PRKDC: variants seen among roughly 807,000 people sequenced by gnomAD.
PRKDC encodes the protein DNA-dependent protein kinase catalytic subunit.
Under a neutral mutation model 486.9 loss-of-function variants are expected in PRKDC, and 82 were observed. That is an observed-to-expected ratio of 0.17 (90% CI 0.14 to 0.20). The LOEUF (loss-of-function observed/expected upper bound fraction) is 0.20, where lower values mean the gene tolerates loss of function less well. Among genes scored for constraint, PRKDC ranks in the 10% least tolerant of loss-of-function variants. The probability of loss-of-function intolerance (pLI) is 1.00; values close to 1 mark genes in which losing one functional copy is unlikely to be tolerated. For synonymous variants in PRKDC, 1,895 were observed against 1,837.0 expected, an observed-to-expected ratio of 1.03 and a Z score of -0.81; for missense variants, 4,504 against 5,038.2, an observed-to-expected ratio of 0.89 and a Z score of 3.21.
chr8:47,789,518 A>G (rs2086850504), intron 74 of PRKDC, among the ~76,000 whole-genome samples: 1 of 152,082 alleles, frequency 6.6e-6, no homozygotes, highest in Non-Finnish European at 1.5e-5. Flanking sequence ...CTATTCCAAA[A>G]CACAAGGGAG....
At chr8:47,804,475 T>C (rs1297953851) in intron 69 of PRKDC, among the ~76,000 whole-genome samples, 1 of 152,042 alleles carries the variant, frequency 6.6e-6, no homozygotes, top group Non-Finnish European at 1.5e-5. Flanking sequence ...AATTTTTGTA[T>C]TTTTAGTAGA....
intron 73 of PRKDC, 82 bp from the exon 74 acceptor site, chr8:47,794,583 G>GAAAACTC: frequency 8.2e-7 from 1 of 1,221,060 alleles, no homozygotes; most frequent in Non-Finnish European, 1.1e-6. Flanking sequence ...CCAAAATAAA[G>GAAAACTC]AAAACTCAGA....
At chr8:47,897,428 T>C (rs1016889559) in intron 29 of PRKDC, 134 bp from the exon 30 acceptor site, 4 of 858,838 alleles carry the variant, frequency 4.7e-6, no homozygotes, top group Admixed American at 5.5e-5. Flanking sequence ...ATTCGACTTA[T>C]TTTTAATGTA....
chr8:47,816,454 A>C (rs761036025), intron 68 of PRKDC, among the ~76,000 whole-genome samples: 3 of 152,216 alleles, frequency 2.0e-5, no homozygotes, highest in Non-Finnish European at 4.4e-5. Flanking sequence ...CTTGTTGTAG[A>C]GGTAGAGAAA....
Position 47,960,019 on chromosome 8 carries a change from G to A in PRKDC, c.108C>T (p.Arg36=). The change falls in exon 1 of 86, where the codon CGC becomes CGT. Residue 36 remains arginine, a synonymous_variant. Coordinates refer to ENST00000314191, the MANE Select transcript of PRKDC (RefSeq NM_006904.7). ...GAALAGHQLI[R]GLGQECVLSS... is the part of the protein sequence containing the mutation. ...TCAGGACGCATTCCTGCCCCAGGCC[G>A]CGGATCAGTTGATGACCGGCCAGGG... 1 of 1,534,490 alleles carries A rather than the reference G, an allele frequency of 6.5e-7. No homozygotes were observed. Among genetic ancestry groups the A allele is most frequent in the Non-Finnish European group, 8.7e-7 (1 of 1,146,582 alleles).
Position 47,879,507 on chromosome 8 carries a change from A to T in PRKDC, c.5219T>A (p.Val1740Glu). ...PPGTPRFNNY[V>E]DCMKKFLDAL... ...GAAACTAACCTTTTTCATGCAGTCCACATAATTATTGAACCGCGGAGTTCC... is the reference window on the plus strand; with the variant it reads ...GAAACTAACCTTTTTCATGCAGTCCTCATAATTATTGAACCGCGGAGTTCC... Residue 1740 changes from valine (V) to glutamate (E), a missense_variant, in exon 39 of 86, where the codon GTG becomes GAG. By Grantham distance (121) the Val-to-Glu change is moderately radical (BLOSUM62 -2). Transcript: ENST00000314191. The T allele has an allele frequency of 6.3e-7, 1 of 1,590,834 alleles. No individual in the cohort carries two copies. Among genetic ancestry groups the T allele is most frequent in the Middle Eastern group, 1.7e-4 (1 of 5,874 alleles).
Position 47,858,826 on chromosome 8 carries a change from G to T in PRKDC, c.6345+23C>A, listed in dbSNP as rs375920177. The T allele has an allele frequency of 4.3e-6, 7 of 1,609,698 alleles. No homozygotes were observed. In the African/African-American group the frequency reaches 9.4e-5, roughly 22 times the overall value. ...GACACCAATGAATATAGTATTAACA[G>T]GTAAGATGAGTGGGAAAAGCACCTC... On this transcript the variant is annotated intron_variant, in intron 47 of 85. Transcript: ENST00000314191.
chr8:47,778,951 A>T lies in PRKDC; in HGVS notation c.11579+53T>A. 4.1e-6 allele frequency: 6 copies of T among 1,472,934 alleles called. No homozygotes were observed. The East Asian group carries it at 1.4e-4, about 35-fold the overall frequency. 91.2% of individuals were successfully genotyped at this position (1,472,934 alleles called of 1,614,324 possible). A position where few individuals can be genotyped will look rare whatever the true frequency, so the allele number is the denominator to read the frequency against. ...GCTAAGAATCAAAAGAAAACATGCA[A>T]TTTGCAGAAGAATGAACTAACTAAT... is the stretch of plus-strand genomic sequence containing the variant. On this transcript the variant is annotated intron_variant, in intron 81 of 85. Transcript: ENST00000314191.
chr8:47,835,600 G>A, intron 58 of PRKDC, among the ~76,000 whole-genome samples: 1 of 105,942 alleles, frequency 9.4e-6, no homozygotes, highest in Non-Finnish European at 1.7e-5. Flanking sequence ...CCAGCCTGGT[G>A]ACAGAGCAGG....
intron 36 of PRKDC, among the ~76,000 whole-genome samples, chr8:47,883,842 C>A (rs1299651688): frequency 2.0e-5 from 3 of 152,254 alleles, no homozygotes; most frequent in African/African-American, 7.2e-5. Flanking sequence ...CGCCCTCTGG[C>A]GTCCCTTTCC....
At chr8:47,944,725 CTAA>C (rs2090502739) in intron 7 of PRKDC, among the ~76,000 whole-genome samples, 1 of 152,226 alleles carries the variant, frequency 6.6e-6, no homozygotes, top group Non-Finnish European at 1.5e-5. Flanking sequence ...TTATTCATCA[CTAA>C]TTTCTCTACC....
In PRKDC at chr8:47,854,233, G is replaced by C. The variant is rs144502071; in HGVS notation, c.6762-19C>G. The C allele has an allele frequency of 1.1e-4, 175 of 1,610,144 alleles. 1 individual carries two copies. In the African/African-American group the frequency reaches 2.1e-3, roughly 19 times the overall value. On this transcript the variant is annotated intron_variant, in intron 50 of 85. Coordinates refer to ENST00000314191, the MANE Select transcript of PRKDC (RefSeq NM_006904.7). ...TATTAACCTGAAACATAAGCACAAAGGAGAAAATTGAGACTGTTGCATAAT... is the reference window on the plus strand; with the variant it reads ...TATTAACCTGAAACATAAGCACAAACGAGAAAATTGAGACTGTTGCATAAT...
intron 52 of PRKDC, among the ~76,000 whole-genome samples, chr8:47,851,416 A>C (rs947357104): frequency 1.3e-5 from 2 of 152,248 alleles, no homozygotes; most frequent in Non-Finnish European, 2.9e-5. Flanking sequence ...ATGAATTACA[A>C]GTAATATTTG....
At chr8:47,933,257 T>G (rs2090288443) in intron 15 of PRKDC, 85 bp from the exon 16 acceptor site, 1 of 1,103,278 alleles carries the variant, frequency 9.1e-7, no homozygotes, top group Admixed American at 3.9e-5. Context: ...CATACACAGA[T>G]GTATGTGCCG....
At chr8:47,853,560 C>A (rs984997521) in intron 51 of PRKDC, among the ~76,000 whole-genome samples, 1 of 152,188 alleles carries the variant, frequency 6.6e-6, no homozygotes, top group Non-Finnish European at 1.5e-5. Context: ...ACATGTCACA[C>A]CCAGCTGCCC....
intron 80 of PRKDC, among the ~76,000 whole-genome samples, chr8:47,779,912 C>CTTT (rs925534980): frequency 1.7e-4 from 18 of 107,064 alleles, no homozygotes; most frequent in Non-Finnish European, 2.9e-4. Flanking sequence ...TTTGTTTTGT[C>CTTT]TTTTTTTTTT....
chr8:47,842,061 C>G (rs966039128), intron 54 of PRKDC, among the ~76,000 whole-genome samples: 2 of 152,170 alleles, frequency 1.3e-5, no homozygotes, highest in South Asian at 4.1e-4. Flanking sequence ...TCTGACTTTG[C>G]CAAGCACAGA....
intron 11 of PRKDC, among the ~76,000 whole-genome samples, chr8:47,936,871 C>T (rs1298035761): frequency 1.3e-5 from 2 of 150,224 alleles, no homozygotes; most frequent in Non-Finnish European, 3.0e-5. Context: ...GTGATCTGCC[C>T]ACCTCAGCCT....
Position 47,898,817 on chromosome 8 carries a change from C to A in PRKDC, c.3365-248G>T, listed in dbSNP as rs56375502. On this transcript the variant is annotated intron_variant, in intron 28 of 85. Transcript: ENST00000314191. ...GTGCGTGCACGCACAAACACATGCA[C>A]ACACTCAGAGCAATGCCATACCTAA... Among the ~76,000 whole-genome samples the A allele has an allele frequency of 4.8e-3, 732 of 152,346 alleles. 6 individuals carry two copies. The East Asian group carries it at 0.055, about 11-fold the overall frequency.
Sources: gnomAD v4.1 joint callset for allele counts (sites outside exome capture counted in the v4.1 genomes callset) on GRCh38, gnomAD v4.1.1 for gene constraint, MANE v1.5 for transcripts, NCBI Gene and HGNC (gene_info 2026-07-23, HGNC 2026-07-21) for gene names.